VPS45: variants seen among roughly 807,000 people sequenced by gnomAD.
VPS45 encodes the protein vacuolar protein sorting 45 homolog, also known as vacuolar protein sorting-associated protein 45.
VPS45 carries 35 observed loss-of-function variants against 75.9 expected under a neutral mutation model. The ratio of observed to expected loss-of-function variants is 0.46; its 90% CI spans 0.35 to 0.61. VPS45 has a LOEUF of 0.61. Among genes scored for constraint, VPS45 ranks in the 20% least tolerant of loss-of-function variants. VPS45 has a pLI of 0.00. For synonymous variants in VPS45, 220 were observed against 238.2 expected (o/e 0.92, Z 0.70); for missense variants, 559 against 685.9 (o/e 0.81, Z 2.07).
chr1:150,068,362 A>G (rs1654843720), intron 1 of VPS45: 6 of 380,392 alleles, frequency 1.6e-5, no homozygotes, highest in Admixed American at 4.3e-5. Context: ...TTAAGGTGAT[A>G]GAAAAAAATA....
Position 150,068,782 on chromosome 1 carries a change from C to T in VPS45, c.228+18C>T. On this transcript the variant is annotated intron_variant, in intron 2 of 14. Coordinates refer to ENST00000644510, the MANE Select transcript of VPS45 (RefSeq NM_007259.5). ...CTACAAAGGTACTGCATAAACTGAGCTTCCATCTGCCCAGGCAGATGCAGA... is the reference window on the plus strand; with the variant it reads ...CTACAAAGGTACTGCATAAACTGAGTTTCCATCTGCCCAGGCAGATGCAGA... The T allele has an allele frequency of 6.3e-7, 1 of 1,586,606 alleles. No homozygotes were observed. Among genetic ancestry groups the T allele is most frequent in the East Asian group, 2.3e-5 (1 of 44,332 alleles).
In VPS45 at chr1:150,111,648, T is replaced by C. The variant is rs1456659138; in HGVS notation, c.1625+1021T>C. ...ATGCTGAGCCATGTATTCTAGATAA[T>C]TGGGAGTCATTAAAAGTATTTGTAT... On this transcript the variant is annotated intron_variant, in intron 14 of 14. Coordinates refer to ENST00000644510, the MANE Select transcript of VPS45 (RefSeq NM_007259.5). Among the ~76,000 whole-genome samples, 55 of 152,160 alleles carry C rather than the reference T, an allele frequency of 3.6e-4. 1 individual carries two copies. Among genetic ancestry groups the C allele is most frequent in the Admixed American group, 3.6e-3 (55 of 15,276 alleles).
At chr1:150,126,995 G>C (rs1553810959) in intron 14 of VPS45, among the ~76,000 whole-genome samples, 1 of 152,194 alleles carries the variant, frequency 6.6e-6, no homozygotes. Context: ...AGAACCACCT[G>C]ATGTCAACTG....
At chr1:150,093,962 T>C (rs768810271) in intron 13 of VPS45, among the ~76,000 whole-genome samples, 2 of 152,222 alleles carry the variant, frequency 1.3e-5, no homozygotes, top group African/African-American at 2.4e-5. Context: ...TTTCAAACAT[T>C]GAGGCCAAAA....
chr1:150,086,690 T>G (rs1421950345), intron 10 of VPS45, among the ~76,000 whole-genome samples: 1 of 152,170 alleles, frequency 6.6e-6, no homozygotes, highest in East Asian at 1.9e-4. Context: ...TTATGTTGAC[T>G]AGTCATTAAG....
chr1:150,089,756 A>G (rs1214314069), intron 10 of VPS45, among the ~76,000 whole-genome samples: 1 of 152,240 alleles, frequency 6.6e-6, no homozygotes, highest in Non-Finnish European at 1.5e-5. Flanking sequence ...AGTAGAAAAT[A>G]GTGGAACATT....
At position 150,081,906 on chromosome 1, in the gene VPS45, A is replaced by C. The variant is rs1553799465; in HGVS notation, c.845A>C (p.Glu282Ala). The change falls in exon 9 of 15, where the codon GAG becomes GCG. Residue 282 changes from glutamate (E) to alanine (A), a missense_variant. Physicochemically the swap from Glu to Ala is moderately radical, Grantham distance 107 (BLOSUM62 -1). Transcript: ENST00000644510. ...YANNMYLNFA[E>A]IGSNIKNLME... ...CAGAATATGTACCTGAACTTTGCTG[A>C]GATTGGTAGCAATATAAAGAATCTC... The C allele has an allele frequency of 1.2e-6, 2 of 1,612,430 alleles. No homozygotes were observed. Among genetic ancestry groups the C allele is most frequent in the Admixed American group, 1.7e-5 (1 of 59,828 alleles).
chr1:150,108,647 T>C (rs894608472), intron 13 of VPS45, among the ~76,000 whole-genome samples: 4 of 152,078 alleles, frequency 2.6e-5, no homozygotes, highest in Non-Finnish European at 5.9e-5. Context: ...TTGAAGAAGG[T>C]ATATCCAGGA....
chr1:150,071,660 A>G (rs1655079116), intron 2 of VPS45, among the ~76,000 whole-genome samples: 1 of 151,904 alleles, frequency 6.6e-6, no homozygotes, highest in African/African-American at 2.4e-5. Context: ...TGGTGGCACA[A>G]ACCTGTAATC....
Position 150,128,071 on chromosome 1 carries a change from C to T in VPS45, c.1626-16638C>T, listed in dbSNP as rs7535225. On this transcript the variant is annotated intron_variant, in intron 14 of 14. Transcript: ENST00000644510. ...AATCCCACACTTTGGGAGGCCGGGG[C>T]GGGCAGATTGCTTGAGTTCAGGAGT... Among the ~76,000 whole-genome samples, 864 of 152,094 alleles carry T rather than the reference C, an allele frequency of 5.7e-3. 12 individuals carry two copies. The highest frequency in any genetic ancestry group is 0.02 in the African/African-American group (822 of 41,488).
chr1:150,144,725 C>T lies in VPS45; in HGVS notation c.1642C>T (p.Leu548=). ...ACTTATCAGTTTCCTAGAGGAAGTT[C>T]TGGCTTCTGGACTGCACAGCCGAAG... ...HNTKSFLEEV[L]ASGLHSRSKE... Residue 548 remains leucine (L), a synonymous_variant, in exon 15 of 15, where the codon CTG becomes TTG. Coordinates refer to ENST00000644510, the MANE Select transcript of VPS45 (RefSeq NM_007259.5). 1 of 1,612,726 alleles carries T rather than the reference C, an allele frequency of 6.2e-7. No homozygotes were observed. Among genetic ancestry groups the T allele is most frequent in the Non-Finnish European group, 8.5e-7 (1 of 1,179,184 alleles).
intron 7 of VPS45, among the ~76,000 whole-genome samples, chr1:150,079,745 A>C (rs1460773816): frequency 6.6e-6 from 1 of 152,190 alleles, no homozygotes; most frequent in African/African-American, 2.4e-5. Context: ...GGCACAGTCT[A>C]TGTTTCAGTT....
rs376421767 is a variant in VPS45 at position 150,143,208 on chromosome 1, G to A, written c.1626-1501G>A. On this transcript the variant is annotated intron_variant, in intron 14 of 14. Transcript: ENST00000644510. ...GGTCTGGAAGGGCTTTACAGAAAAA[G>A]TGACTTTTATGATTATGTATTTATG... Among the ~76,000 whole-genome samples, 448 of 152,294 alleles carry A rather than the reference G, an allele frequency of 2.9e-3. 1 individual carries two copies. Among genetic ancestry groups the A allele is most frequent in the Middle Eastern group, 0.027 (8 of 294 alleles).
chr1:150,117,314 G>A (rs1396346661), intron 14 of VPS45, among the ~76,000 whole-genome samples: 1 of 150,560 alleles, frequency 6.6e-6, no homozygotes, highest in Non-Finnish European at 1.5e-5. Context: ...CTGAGGTCAT[G>A]AGTTTGAGAG....
intron 12 of VPS45, 62 bp from the exon 13 acceptor site, chr1:150,093,465 T>G: frequency 1.3e-6 from 2 of 1,579,210 alleles, no homozygotes; most frequent in Non-Finnish European, 1.7e-6. Flanking sequence ...ATATGAATAT[T>G]ATTAATTCTT....
At chr1:150,131,676 TAAAAA>T (rs34119963) in intron 14 of VPS45, among the ~76,000 whole-genome samples, 2 of 139,274 alleles carry the variant, frequency 1.4e-5, no homozygotes, top group African/African-American at 2.7e-5. Context: ...TTTTTGTCTC[TAAAAA>T]AAAAAAAAAG....
chr1:150,091,108 A>C (rs983719943), intron 10 of VPS45, among the ~76,000 whole-genome samples: 8 of 152,242 alleles, frequency 5.3e-5, no homozygotes, highest in Non-Finnish European at 8.8e-5. Flanking sequence ...ACAGAACTAA[A>C]GTACATTAAA....
intron 14 of VPS45, among the ~76,000 whole-genome samples, chr1:150,143,924 G>A (rs760929421): frequency 3.2e-4 from 49 of 152,054 alleles, no homozygotes; most frequent in Non-Finnish European, 5.9e-4. Context: ...TGACAGGGCC[G>A]CATGCATATA....
intron 14 of VPS45, among the ~76,000 whole-genome samples, chr1:150,115,771 C>T (rs1278739225): frequency 6.6e-6 from 1 of 151,892 alleles, no homozygotes; most frequent in Non-Finnish European, 1.5e-5. Flanking sequence ...TTTTTTAGTC[C>T]ACTTTTTCAG....
Sources: gnomAD v4.1 joint callset for allele counts (sites outside exome capture counted in the v4.1 genomes callset) on GRCh38, gnomAD v4.1.1 for gene constraint, MANE v1.5 for transcripts, NCBI Gene and HGNC (gene_info 2026-07-23, HGNC 2026-07-21) for gene names.